HEATR5B: variants seen among roughly 807,000 people sequenced by gnomAD.
HEATR5B encodes HEAT repeat-containing protein 5B.
A neutral mutation model predicts 224.1 loss-of-function variants in HEATR5B; 156 were observed. The observed-to-expected ratio is 0.70, with a 90% CI of 0.61 to 0.80. The LOEUF (loss-of-function observed/expected upper bound fraction) is 0.80. Among genes scored for constraint, HEATR5B ranks in the 30% least tolerant of loss-of-function variants. The probability of loss-of-function intolerance (pLI) is 0.00; values close to 1 mark genes in which losing one functional copy is unlikely to be tolerated. For synonymous variants in HEATR5B, 1,027 were observed against 893.0 expected, an observed-to-expected ratio of 1.15 and a Z score of -2.68; for missense variants, 2,323 against 2,535.5, an observed-to-expected ratio of 0.92 and a Z score of 1.80.
intron 25 of HEATR5B, 96 bp downstream of exon 25, chr2:37,020,559 T>C (rs1668400053): frequency 7.6e-6 from 6 of 789,552 alleles, no homozygotes; most frequent in Middle Eastern, 3.8e-4. Context: ...AATAAACAGA[T>C]TGCAGTTCCA....
intron 30 of HEATR5B, among the ~76,000 whole-genome samples, chr2:37,004,374 T>A (rs1165580440): frequency 4.6e-5 from 7 of 150,602 alleles, no homozygotes; most frequent in Non-Finnish European, 8.9e-5. Flanking sequence ...TGTTTTCAAC[T>A]TCTCTCTCTA....
Position 37,084,370 on chromosome 2 carries a change from G to C in HEATR5B, c.-124C>G, listed in dbSNP as rs192148951. 5.2e-6 allele frequency: 3 copies of C among 574,318 alleles called. No individual in the cohort carries two copies. Among genetic ancestry groups the C allele is most frequent in the Admixed American group, 4.4e-5 (1 of 22,868 alleles). 35.6% of individuals were successfully genotyped at this position (574,318 alleles called of 1,614,324 possible). On this transcript the variant is annotated 5_prime_UTR_variant, in exon 1 of 36. Transcript: ENST00000233099. ...CCGCACTCCTACCTGCAGGAAACAA[G>C]GGAAGAGCGCTTGCGCGGAGGGCTG...
In HEATR5B at chr2:37,058,501, C is replaced by A; in HGVS notation, c.2009G>T (p.Arg670Leu). ...AGCCAAGATATCATAAAGTCTTAAA[C>A]GGACCATTGCAGCACTAGCTTTCAG... ...AHLKASAAMV[R>L]LRLYDILALL... Residue 670 changes from arginine (R) to leucine (L), a missense_variant, in exon 14 of 36, where the codon CGT (arginine) becomes CTT (leucine). Arg to Leu is a moderately radical substitution (Grantham distance 102). Transcript: ENST00000233099. The A allele has an allele frequency of 6.2e-7, 1 of 1,613,264 alleles. No homozygotes were observed. Among genetic ancestry groups the A allele is most frequent in the Non-Finnish European group, 8.5e-7 (1 of 1,179,278 alleles).
Position 37,072,262 on chromosome 2 carries a change from T to C in HEATR5B, c.617A>G (p.Asn206Ser). 6.2e-7 allele frequency: 1 copy of C among 1,612,036 alleles called. No individual in the cohort carries two copies. Among genetic ancestry groups the C allele is most frequent in the Non-Finnish European group, 8.5e-7 (1 of 1,178,490 alleles). The change falls in exon 6 of 36, where the codon AAT (asparagine) becomes AGT (serine). Residue 206 changes from asparagine (N) to serine (S), a missense_variant. Physicochemically the swap from Asn to Ser is conservative, Grantham distance 46 (BLOSUM62 1). Around this residue, in one of 12 missense-constraint regions of HEATR5B, gnomAD observed 292 missense variants for 332.6 expected, o/e 0.88. Coordinates refer to ENST00000233099, the MANE Select transcript of HEATR5B (RefSeq NM_019024.3). ...AVAKCLLELQ[N>S]EAVFMWTAEL... The stretch of plus-strand genomic sequence containing the variant: ...AGCAGTCCACATAAATACAGCTTCA[T>C]TCTGTAGTTCTAGTAGACACTGGAA...
At chr2:37,005,512 G>C in intron 30 of HEATR5B, 120 bp downstream of exon 30, 1 of 852,794 alleles carries the variant, frequency 1.2e-6, no homozygotes, top group Non-Finnish European at 1.9e-6. Context: ...CAGGGAGTCA[G>C]TGTATTCATA....
intron 24 of HEATR5B, among the ~76,000 whole-genome samples, chr2:37,023,256 G>T (rs1056815335): frequency 6.6e-6 from 1 of 152,108 alleles, no homozygotes; most frequent in Non-Finnish European, 1.5e-5. Flanking sequence ...ATTATCTAAA[G>T]AAATTATTAA....
chr2:36,984,215 A>AAAAAT, intron 35 of HEATR5B, among the ~76,000 whole-genome samples: 3 of 77,642 alleles, frequency 3.9e-5, no homozygotes, highest in African/African-American at 1.8e-4. Flanking sequence ...AAAAAAAAAA[A>AAAAAT]ATATATATAT....
At chr2:36,985,245 T>A (rs999073741) in intron 35 of HEATR5B, among the ~76,000 whole-genome samples, 3 of 152,214 alleles carry the variant, frequency 2.0e-5, no homozygotes, top group African/African-American at 7.2e-5. Flanking sequence ...TTTGATGGTA[T>A]CCTCCTAATG....
At chr2:37,078,569 T>C (rs1307396922) in intron 3 of HEATR5B, among the ~76,000 whole-genome samples, 3 of 152,200 alleles carry the variant, frequency 2.0e-5, no homozygotes, top group Admixed American at 6.5e-5. Flanking sequence ...TCTAAAACTT[T>C]TGAGGTCTAC....
chr2:37,013,782 A>G, intron 27 of HEATR5B, 59 bp downstream of exon 27: 2 of 1,417,346 alleles, frequency 1.4e-6, no homozygotes, highest in Non-Finnish European at 1.9e-6. Context: ...GAGTAGAGGA[A>G]CATTTTCTCA....
At chr2:37,007,908 C>T (rs1318157599) in intron 28 of HEATR5B, among the ~76,000 whole-genome samples, 1 of 152,198 alleles carries the variant, frequency 6.6e-6, no homozygotes, top group Non-Finnish European at 1.5e-5. Flanking sequence ...GCCAGTGGCT[C>T]CTAAAACCCT....
chr2:36,984,216 AT>A (rs1314241859), intron 35 of HEATR5B, among the ~76,000 whole-genome samples: 1,138 of 72,668 alleles, frequency 0.016, 128 homozygotes, highest in Admixed American at 0.13. Flanking sequence ...AAAAAAAAAA[AT>A]ATATATATAT....
At position 36,981,492 on chromosome 2, in the gene HEATR5B, A is replaced by T. The variant is rs748978766; in HGVS notation, c.6214T>A (p.Ter2072LysextTer13). The stretch of plus-strand genomic sequence containing the variant: ...ATACAAATAAATGAAATTACAAATT[A>T]AAAAAAACTTGTTTTTAGCTTAATT... ...PTIKLKTSFF[*>K] Residue 2072 changes from the stop codon to lysine (K), a stop_lost, in exon 36 of 36, where the codon TAA becomes AAA. Transcript: ENST00000233099. 4 of 1,593,106 alleles carry T rather than the reference A, an allele frequency of 2.5e-6. No homozygotes were observed. The highest frequency in any genetic ancestry group is 1.1e-5 in the South Asian group (1 of 88,288).
chr2:37,039,593 TA>T (rs1669752049), intron 20 of HEATR5B, among the ~76,000 whole-genome samples: 1 of 152,232 alleles, frequency 6.6e-6, no homozygotes, highest in Admixed American at 6.5e-5. Flanking sequence ...ATAGAGATAA[TA>T]TCAGTCTCTG....
At chr2:37,025,248 C>T (rs1449817735) in intron 24 of HEATR5B, among the ~76,000 whole-genome samples, 3 of 152,070 alleles carry the variant, frequency 2.0e-5, no homozygotes, top group African/African-American at 7.2e-5. Context: ...ACAGCTTACC[C>T]TCCAACTACA....
At chr2:36,984,970 T>A (rs1332240058) in intron 35 of HEATR5B, among the ~76,000 whole-genome samples, 1 of 152,162 alleles carries the variant, frequency 6.6e-6, no homozygotes, top group Non-Finnish European at 1.5e-5. Flanking sequence ...ATAAAGATGA[T>A]GAACAAGGAG....
intron 27 of HEATR5B, among the ~76,000 whole-genome samples, chr2:37,011,119 C>T (rs1390155186): frequency 6.6e-6 from 1 of 152,202 alleles, no homozygotes; most frequent in African/African-American, 2.4e-5. Flanking sequence ...ACCTAATGAA[C>T]ACTCGGCAGT....
chr2:36,987,073 G>GCATT (rs1299780217), intron 35 of HEATR5B, among the ~76,000 whole-genome samples: 1 of 152,146 alleles, frequency 6.6e-6, no homozygotes, highest in East Asian at 1.9e-4. Context: ...CTTAAAATGT[G>GCATT]CATTCCCTTC....
At chr2:37,079,019 G>A (rs1367527364) in intron 3 of HEATR5B, 101 bp downstream of exon 3, 5 of 656,176 alleles carry the variant, frequency 7.6e-6, no homozygotes, top group African/African-American at 7.3e-5. Flanking sequence ...CATGTCGCAG[G>A]TTCCACCCAC....
Sources: allele counts gnomAD v4.1 joint callset (sites outside exome capture counted in the v4.1 genomes callset), GRCh38; gene constraint gnomAD v4.1.1; regional missense constraint gnomAD v4.1.1; transcripts MANE v1.5; gene names NCBI Gene and HGNC (gene_info 2026-07-23, HGNC 2026-07-21).